The following CDKN2B-AS1 variants were observed in gnomAD, a reference collection of about 807,000 sequenced individuals.
CDKN2B-AS1 encodes CDKN2B and CDKN2A antisense cis and trans regulatory RNA 1, also known as CDKN2B antisense RNA 1 (non-protein coding).
intron 3 of CDKN2B-AS1, among the ~76,000 whole-genome samples, chr9:22,050,353 C>A (rs1297293641): frequency 6.6e-6 from 1 of 152,156 alleles, no homozygotes; most frequent in African/African-American, 2.4e-5. Context: ...GAGTCCTGAC[C>A]CCTTTTCAGT....
intron 3 of CDKN2B-AS1, chr9:22,056,121 G>C (rs1444246400): frequency 6.7e-6 from 1 of 148,258 alleles, no homozygotes; most frequent in Non-Finnish European, 1.5e-5. Context: ...CTCACCTCCC[G>C]GGTTCAAGTG....
intron 4 of CDKN2B-AS1, chr9:22,058,373 G>A (rs1027636429): frequency 2.0e-5 from 3 of 152,070 alleles, no homozygotes; most frequent in Middle Eastern, 3.4e-3. Flanking sequence ...TCCAATGAAC[G>A]CCTTCACTGA....
chr9:22,091,875 G>A (rs1162341664), intron 4 of CDKN2B-AS1, among the ~76,000 whole-genome samples: 1 of 152,178 alleles, frequency 6.6e-6, no homozygotes, highest in African/African-American at 2.4e-5. Context: ...TAGGAGTGGT[G>A]AGAGAGGGCA....
intron 1 of CDKN2B-AS1, among the ~76,000 whole-genome samples, chr9:22,034,430 T>C (rs1034452112): frequency 2.6e-5 from 4 of 152,192 alleles, no homozygotes; most frequent in South Asian, 4.2e-4. Flanking sequence ...CTGGGAGAAA[T>C]TGAGGTGAAA....
chr9:22,077,910 G>A (rs1278361399), intron 4 of CDKN2B-AS1: 1 of 152,100 alleles, frequency 6.6e-6, no homozygotes, highest in South Asian at 2.1e-4. Flanking sequence ...TGGCTTGAAT[G>A]GTCCTCAGAT....
chr9:22,007,265 G>C (rs887437809), intron 1 of CDKN2B-AS1, among the ~76,000 whole-genome samples: 2 of 152,186 alleles, frequency 1.3e-5, no homozygotes, highest in Non-Finnish European at 2.9e-5. Flanking sequence ...AGGAGGCTGA[G>C]GCAGGAGAAT....
chr9:22,126,204 T>C (rs1462838317), intron 4 of CDKN2B-AS1, among the ~76,000 whole-genome samples: 1 of 152,206 alleles, frequency 6.6e-6, no homozygotes, highest in Non-Finnish European at 1.5e-5. Flanking sequence ...CACCTATAAG[T>C]GAACCCTTGA....
chr9:22,043,038 G>A lies in CDKN2B-AS1; in HGVS notation n.30-3713G>A, dbSNP rs182821389. On this transcript the variant is annotated intron_variant and non_coding_transcript_variant, in intron 1 of 4. Coordinates refer to ENST00000650946, the Ensembl canonical transcript of CDKN2B-AS1. Reference sequence around the variant, plus strand: ...GTAATTCTATCTGTTTTTATTTTTAGCGTCTTTTCTCTCCATCCCCCAAAT... The same window carrying A: ...GTAATTCTATCTGTTTTTATTTTTAACGTCTTTTCTCTCCATCCCCCAAAT... 2.5e-3 allele frequency among the ~76,000 whole-genome samples: 384 copies of A among 152,106 alleles called. 1 individual carries two copies. Among genetic ancestry groups the A allele is most frequent in the African/African-American group, 8.5e-3 (354 of 41,516 alleles).
intron 1 of CDKN2B-AS1, chr9:22,012,478 CA>C (rs1587396675): frequency 2.9e-6 from 2 of 688,152 alleles, no homozygotes; most frequent in East Asian, 5.9e-5. Flanking sequence ...CCTATGCTGT[CA>C]ATTGCCGCAA....
At chr9:22,124,341 T>C (rs954021614) in intron 4 of CDKN2B-AS1, among the ~76,000 whole-genome samples, 2 of 152,112 alleles carry the variant, frequency 1.3e-5, no homozygotes. Context: ...TTTCAAGAAA[T>C]TAAAAGCTTC....
At position 22,094,152 on chromosome 9, in the gene CDKN2B-AS1, C is replaced by G. The variant is rs1460027376; in HGVS notation, n.439-32951C>G. On this transcript the variant is annotated intron_variant and non_coding_transcript_variant, in intron 4 of 4. Transcript: ENST00000650946. ...AGAATGTTGAATATTGGCCCCCACT[C>G]TCTTCTGGCTTGTAGAGTTTCTACC... is the stretch of plus-strand genomic sequence containing the variant. 2.1e-5 allele frequency among the ~76,000 whole-genome samples: 3 copies of G among 144,066 alleles called. 1 individual carries two copies. Among genetic ancestry groups the G allele is most frequent in the African/African-American group, 5.8e-5 (2 of 34,626 alleles). 94.5% of individuals were successfully genotyped at this position (144,066 alleles called of 152,430 possible). A position where few individuals can be genotyped will look rare whatever the true frequency, so the allele number is the denominator to read the frequency against.
At chr9:22,069,603 T>C (rs1824205986) in intron 4 of CDKN2B-AS1, among the ~76,000 whole-genome samples, 1 of 152,210 alleles carries the variant, frequency 6.6e-6, no homozygotes, top group East Asian at 1.9e-4. Context: ...TGTTGTATAA[T>C]AATCCAATCA....
chr9:22,015,053 A>G (rs908350660), intron 1 of CDKN2B-AS1, among the ~76,000 whole-genome samples: 1 of 152,056 alleles, frequency 6.6e-6, no homozygotes, highest in African/African-American at 2.4e-5. Context: ...TATTGTGAAT[A>G]GTGCCGCAAT....
chr9:22,009,189 T>C (rs558416419), intron 1 of CDKN2B-AS1: 2 of 633,064 alleles, frequency 3.2e-6, no homozygotes, highest in East Asian at 2.8e-5. Flanking sequence ...CGGGCGCGCC[T>C]GGATTGCTTC....
intron 4 of CDKN2B-AS1, among the ~76,000 whole-genome samples, chr9:22,080,443 C>G (rs1397407775): frequency 6.6e-6 from 1 of 152,218 alleles, no homozygotes; most frequent in South Asian, 2.1e-4. Context: ...TGTGACCTAG[C>G]TACTTCTGTT....
chr9:22,127,476 C>T (rs1818035635), exon 5 of CDKN2B-AS1, among the ~76,000 whole-genome samples: 1 of 152,212 alleles, frequency 6.6e-6, no homozygotes, highest in Non-Finnish European at 1.5e-5. Flanking sequence ...TTCCCTTTCT[C>T]ACAGCTGGTG....
At chr9:22,104,408 G>T (rs185247552) in intron 4 of CDKN2B-AS1, among the ~76,000 whole-genome samples, 1 of 152,260 alleles carries the variant, frequency 6.6e-6, no homozygotes. Context: ...CATTTCACTT[G>T]CCCAAGTGAG....
intron 4 of CDKN2B-AS1, among the ~76,000 whole-genome samples, chr9:22,111,186 G>C (rs935783115): frequency 4.6e-5 from 7 of 152,102 alleles, no homozygotes; most frequent in Admixed American, 3.3e-4. Flanking sequence ...GTATGTATCT[G>C]TCTGTCTGTT....
chr9:22,048,872 T>C (rs1416039894), intron 2 of CDKN2B-AS1, among the ~76,000 whole-genome samples: 1 of 152,206 alleles, frequency 6.6e-6, no homozygotes, highest in African/African-American at 2.4e-5. Context: ...AGTCTTCTAA[T>C]TTGAAAATGG....
Sources: gnomAD v4.1 joint callset for allele counts (sites outside exome capture counted in the v4.1 genomes callset) on GRCh38, gnomAD v4.1.1 for gene constraint, MANE v1.5 for transcripts, NCBI Gene and HGNC (gene_info 2026-07-23, HGNC 2026-07-21) for gene names.